Variants in PTPRM observed in about 807,000 individuals in gnomAD.
PTPRM encodes receptor-type tyrosine-protein phosphatase mu.
PTPRM carries 47 observed loss-of-function variants against 186.7 expected under a neutral mutation model. The observed-to-expected ratio is 0.25, with a 90% CI of 0.20 to 0.32. The LOEUF is 0.32. Among genes scored for constraint, PTPRM ranks in the 10% least tolerant of loss-of-function variants. PTPRM has a pLI of 1.00. For synonymous variants in PTPRM, 668 were observed against 674.9 expected (o/e 0.99, Z 0.16); for missense variants, 1,494 against 1,865.0 (o/e 0.80, Z 3.66).
In PTPRM at chr18:8,165,156, A is replaced by G. The variant is rs146784468; in HGVS notation, c.2300+21377A>G. On this transcript the variant is annotated intron_variant, in intron 14 of 32. Transcript: ENST00000580170. ...TGCACTCCTGCGTGGTGACAGAGCA[A>G]GACTCCATCTCAAAAAAAAAAAAAA... is the stretch of plus-strand genomic sequence containing the variant. Among the ~76,000 whole-genome samples, 28 of 146,910 alleles carry G rather than the reference A, an allele frequency of 1.9e-4. No individual in the cohort carries two copies. In the East Asian group the frequency reaches 5.4e-3, roughly 29 times the overall value.
In PTPRM at chr18:7,668,387, A is replaced by C. The variant is rs1252603783; in HGVS notation, c.73+100496A>C. On this transcript the variant is annotated intron_variant, in intron 1 of 32. Coordinates refer to ENST00000580170, the MANE Select transcript of PTPRM (RefSeq NM_001105244.2). This position sits in a 1 kb window ranked among gnomAD's most constrained non-coding sequence, Gnocchi z 4.7. ...TATTCTTATCTTTGTCTTGTTTGTT[A>C]TTATGTAGCTCTCAGCTGCAACGGT... Among the ~76,000 whole-genome samples the C allele has an allele frequency of 1.3e-5, 2 of 152,150 alleles. No individual in the cohort carries two copies. Among genetic ancestry groups the C allele is most frequent in the Non-Finnish European group, 2.9e-5 (2 of 68,036 alleles).
At chr18:8,247,783 A>G (rs764558559) in intron 15 of PTPRM, 62 bp from the exon 16 acceptor site, 1 of 1,243,828 alleles carries the variant, frequency 8.0e-7, no homozygotes, top group Non-Finnish European at 1.2e-6. Context: ...GTCTCAGAGC[A>G]TTGTGTGTTC....
intron 1 of PTPRM, among the ~76,000 whole-genome samples, chr18:7,659,117 TACACACACACACACAC>T (rs10541547): frequency 2.1e-5 from 3 of 144,020 alleles, no homozygotes; most frequent in Admixed American, 1.4e-4. Context: ...CACATGTATG[TACACACACACACACAC>T]ACACACACAC....
intron 19 of PTPRM, among the ~76,000 whole-genome samples, chr18:8,286,905 G>A (rs1314518916): frequency 6.6e-6 from 1 of 151,764 alleles, no homozygotes; most frequent in African/African-American, 2.4e-5. Context: ...CAAAAAAAGA[G>A]TCACAAATAT....
At chr18:8,289,157 T>A (rs1044969678) in intron 19 of PTPRM, among the ~76,000 whole-genome samples, 1 of 152,036 alleles carries the variant, frequency 6.6e-6, no homozygotes, top group Non-Finnish European at 1.5e-5. Flanking sequence ...GGGGAGCCAC[T>A]CAATGTCTTT....
intron 1 of PTPRM, among the ~76,000 whole-genome samples, chr18:7,626,072 C>T (rs554795720): frequency 6.6e-6 from 1 of 152,286 alleles, no homozygotes; most frequent in African/African-American, 2.4e-5. Flanking sequence ...TTCATAAAAG[C>T]ATCTAATGCT....
chr18:7,853,031 C>T (rs2046941139), intron 2 of PTPRM, among the ~76,000 whole-genome samples: 1 of 152,066 alleles, frequency 6.6e-6, no homozygotes, highest in South Asian at 2.1e-4. Context: ...CGGAAAATAC[C>T]ACCCTTTTAA....
chr18:7,788,296 A>G (rs2043182528), intron 2 of PTPRM, among the ~76,000 whole-genome samples: 1 of 152,178 alleles, frequency 6.6e-6, no homozygotes, highest in Non-Finnish European at 1.5e-5. Context: ...AGGCTATCAA[A>G]TGAAATAATG....
At chr18:8,153,621 G>C (rs1040044264) in intron 14 of PTPRM, among the ~76,000 whole-genome samples, 5 of 152,156 alleles carry the variant, frequency 3.3e-5, no homozygotes, top group African/African-American at 9.7e-5. Context: ...CTTTAGACTT[G>C]AGCAGTCTTG....
At chr18:7,603,819 T>C (rs2037464905) in intron 1 of PTPRM, among the ~76,000 whole-genome samples, 1 of 152,220 alleles carries the variant, frequency 6.6e-6, no homozygotes. Flanking sequence ...TGATCCCTGC[T>C]GCTGTGTGGC....
intron 2 of PTPRM, among the ~76,000 whole-genome samples, chr18:7,878,809 T>C (rs777130356): frequency 1.0e-3 from 155 of 152,142 alleles, no homozygotes; most frequent in Non-Finnish European, 1.4e-3. Flanking sequence ...TGGAAGCTTA[T>C]ATTGTGATGG....
At position 8,069,671 on chromosome 18, in the gene PTPRM, T is replaced by C. The variant is rs1350596109; in HGVS notation, c.1133-15T>C. Reference sequence around the variant, plus strand: ...CTTCTCTCTCATGTTTTCTTTTGTCTTCTTTTCTAAATAGATCCCATGCGA... The same window carrying C: ...CTTCTCTCTCATGTTTTCTTTTGTCCTCTTTTCTAAATAGATCCCATGCGA... On this transcript the variant is annotated splice_polypyrimidine_tract_variant and intron_variant, in intron 7 of 32. Coordinates refer to ENST00000580170, the MANE Select transcript of PTPRM (RefSeq NM_001105244.2). The C allele has an allele frequency of 6.3e-7, 1 of 1,591,086 alleles. No individual in the cohort carries two copies. The highest frequency in any genetic ancestry group is 1.3e-5 in the African/African-American group (1 of 74,134).
At chr18:7,789,716 C>G (rs1449808451) in intron 2 of PTPRM, among the ~76,000 whole-genome samples, 1 of 152,186 alleles carries the variant, frequency 6.6e-6, no homozygotes, top group Non-Finnish European at 1.5e-5. Flanking sequence ...ATATCATTCT[C>G]CTTTCTCAAG....
chr18:8,035,287 T>G (rs182666456), intron 7 of PTPRM, among the ~76,000 whole-genome samples: 129 of 152,296 alleles, frequency 8.5e-4, no homozygotes, highest in African/African-American at 2.9e-3. Flanking sequence ...AAAGTTTAAT[T>G]CTTAGATTTA....
chr18:8,075,480 A>G (rs2089751404), intron 8 of PTPRM, among the ~76,000 whole-genome samples: 1 of 152,094 alleles, frequency 6.6e-6, no homozygotes. Flanking sequence ...TTTTGTAAAT[A>G]AGATAGGCAT....
intron 1 of PTPRM, among the ~76,000 whole-genome samples, chr18:7,710,063 T>C (rs1265484401): frequency 2.6e-5 from 4 of 152,152 alleles, no homozygotes; most frequent in Non-Finnish European, 4.4e-5. Flanking sequence ...AGTATCACCC[T>C]AATACCAAAA....
intron 14 of PTPRM, among the ~76,000 whole-genome samples, chr18:8,159,448 C>T (rs1245797569): frequency 6.6e-6 from 1 of 152,096 alleles, no homozygotes; most frequent in African/African-American, 2.4e-5. Flanking sequence ...TAAATCCCAA[C>T]ATACTATTTC....
rs761843816 is a variant in PTPRM, at chr18:8,343,496, G to A, written c.3030G>A (p.Val1010=). Residue 1010 remains valine (V), a synonymous_variant, in exon 23 of 33, where the codon GTG becomes GTA. Coordinates refer to ENST00000580170, the MANE Select transcript of PTPRM (RefSeq NM_001105244.2). ...AAAACACTGCAAGTATCATCATGGT[G>A]ACCAATCTTGTGGAAGTGGGAAGGG... is the stretch of plus-strand genomic sequence containing the variant. ...WHENTASIIM[V]TNLVEVGRVK... is the part of the protein sequence containing the mutation. 5.0e-6 allele frequency: 8 copies of A among 1,613,982 alleles called. No individual in the cohort carries two copies. Among genetic ancestry groups the A allele is most frequent in the East Asian group, 2.2e-5 (1 of 44,850 alleles).
intron 1 of PTPRM, among the ~76,000 whole-genome samples, chr18:7,715,292 G>A (rs983529074): frequency 6.6e-6 from 1 of 152,100 alleles, no homozygotes; most frequent in Non-Finnish European, 1.5e-5. Context: ...AAAGGCTTTT[G>A]ACAAAATTCA....
Sources: allele counts gnomAD v4.1 joint callset (sites outside exome capture counted in the v4.1 genomes callset), GRCh38; gene constraint gnomAD v4.1.1; non-coding constraint Gnocchi (gnomAD v3.1); transcripts MANE v1.5; gene names NCBI Gene and HGNC (gene_info 2026-07-23, HGNC 2026-07-21).